Variants in FCGR2A observed in about 807,000 individuals in gnomAD.
FCGR2A encodes low affinity immunoglobulin gamma Fc region receptor II-a.
Under a neutral mutation model 29.3 loss-of-function variants are expected in FCGR2A, and 18 were observed. The observed-to-expected ratio is 0.62, with a 90% CI of 0.43 to 0.91. FCGR2A has a LOEUF of 0.91. Ranked by LOEUF, FCGR2A falls within the 40% of genes least tolerant of loss-of-function variation. FCGR2A has a pLI of 0.00. For synonymous variants in FCGR2A, 126 were observed against 144.8 expected (o/e 0.87, Z 0.93); for missense variants, 287 against 393.0 (o/e 0.73, Z 2.28).
In FCGR2A at chr1:161,519,455, C is replaced by G. The variant is rs1053521449; in HGVS notation, c.*1307C>G. ...CTTCAGAAATGTTAAAATAGACTAACCTCTAACAACAAATTAAAAGTGATT... is the reference window on the plus strand; with the variant it reads ...CTTCAGAAATGTTAAAATAGACTAAGCTCTAACAACAAATTAAAAGTGATT... On this transcript the variant is annotated 3_prime_UTR_variant, in exon 7 of 7. Transcript: ENST00000271450. 2.0e-5 allele frequency: 3 copies of G among 152,296 alleles called. No individual in the cohort carries two copies. Among genetic ancestry groups the G allele is most frequent in the Admixed American group, 6.6e-5 (1 of 15,260 alleles). 9.4% of individuals were successfully genotyped at this position (152,296 alleles called of 1,614,324 possible).
Position 161,507,949 on chromosome 1 carries a change from G to T in FCGR2A, c.364+1358G>T, listed in dbSNP as rs184152133. On this transcript the variant is annotated intron_variant, in intron 3 of 6. Transcript: ENST00000271450. ...TAAAAATACAAAATTAGCCGGGCAT[G>T]GTGGCGCTTGCCTGTAATCCCAGCT... 2.6e-5 allele frequency among the ~76,000 whole-genome samples: 4 copies of T among 152,030 alleles called. No individual in the cohort carries two copies. The East Asian group carries it at 5.8e-4, about 22-fold the overall frequency.
At chr1:161,506,834 C>G (rs1192383143) in intron 3 of FCGR2A, 1 of 744,324 alleles carries the variant, frequency 1.3e-6, no homozygotes, top group Non-Finnish European at 2.1e-6. Flanking sequence ...CTTGATTGAG[C>G]AAGGGGGTTA....
intron 3 of FCGR2A, among the ~76,000 whole-genome samples, chr1:161,508,086 C>CAAAAA (rs61414204): frequency 2.9e-5 from 2 of 68,228 alleles, no homozygotes; most frequent in African/African-American, 1.2e-4. Context: ...AACTCTGTCT[C>CAAAAA]AAAAAAAAAA....
chr1:161,506,133 A>G, intron 2 of FCGR2A, 126 bp downstream of exon 2: 2 of 1,273,142 alleles, frequency 1.6e-6, no homozygotes, highest in East Asian at 2.3e-5. Context: ...CAGCATGGGC[A>G]GTTCCCCCAT....
At chr1:161,510,402 C>T in intron 4 of FCGR2A, 1 of 547,870 alleles carries the variant, frequency 1.8e-6, no homozygotes, top group African/African-American at 1.9e-5. Context: ...TGAGGTTTGC[C>T]TCGTTTCTTC....
In FCGR2A at chr1:161,506,564, G is replaced by C. The variant is rs1239990850; in HGVS notation, c.337G>C (p.Asp113His). The C allele has an allele frequency of 1.9e-6, 3 of 1,614,040 alleles. No homozygotes were observed. Among genetic ancestry groups the C allele is most frequent in the Non-Finnish European group, 2.5e-6 (3 of 1,180,008 alleles). Residue 113 changes from aspartate (D) to histidine (H), a missense_variant, in exon 3 of 7, where the codon GAC becomes CAC. This residue lies in a region of FCGR2A where 181 missense variants were observed against 250.9 expected (regional missense o/e 0.72). Transcript: ENST00000271450. ...CCAGACTGGCCAGACCAGCCTCAGCGACCCTGTGCATCTGACTGTGCTTTC... is the reference window on the plus strand; with the variant it reads ...CCAGACTGGCCAGACCAGCCTCAGCCACCCTGTGCATCTGACTGTGCTTTC... ...TCQTGQTSLS[D>H]PVHLTVLSEW...
rs1675369333 is a variant in FCGR2A, at chr1:161,506,071, T to C, written c.106+64T>C. The C allele has an allele frequency of 7.1e-6, 11 of 1,544,098 alleles. No homozygotes were observed. The South Asian group carries it at 1.1e-4, about 16-fold the overall frequency. The stretch of plus-strand genomic sequence containing the variant: ...TATCCTCATAATATGATGCTGTGTT[T>C]GCTGGGGCGGCGGGGGGGTATGTCT... On this transcript the variant is annotated intron_variant, in intron 2 of 6. Coordinates refer to ENST00000271450, the MANE Select transcript of FCGR2A (RefSeq NM_001136219.3).
At chr1:161,523,853 G>T (rs913385903), downstream of FCGR2A, 1 of 151,864 alleles carries the variant, frequency 6.6e-6, no homozygotes, top group Non-Finnish European at 1.5e-5. Context: ...AAAGTGCATT[G>T]GCCGGGAATC....
intron 5 of FCGR2A, among the ~76,000 whole-genome samples, chr1:161,512,704 G>T (rs951097095): frequency 6.6e-6 from 1 of 152,100 alleles, no homozygotes; most frequent in Non-Finnish European, 1.5e-5. Context: ...GTCAAAGACC[G>T]CACCTCAGAT....
downstream of FCGR2A, chr1:161,523,807 A>T (rs887601251): frequency 1.3e-5 from 2 of 151,940 alleles, no homozygotes; most frequent in African/African-American, 4.8e-5. Flanking sequence ...TTAATCCTAG[A>T]TGAGAAAAAG....
chr1:161,518,468 T>C lies in FCGR2A; in HGVS notation c.*320T>C, dbSNP rs923413727. 14 of 371,156 alleles carry C rather than the reference T, an allele frequency of 3.8e-5. No homozygotes were observed. Among genetic ancestry groups the C allele is most frequent in the African/African-American group, 3.0e-4 (14 of 47,222 alleles). 23.0% of individuals were successfully genotyped at this position (371,156 alleles called of 1,614,324 possible). On this transcript the variant is annotated 3_prime_UTR_variant, in exon 7 of 7. Transcript: ENST00000271450. ...GGTGACTAGGGACTTTCTAAGAAGA[T>C]ACCTACCCCCAAAAAACAATTATGT... is the stretch of plus-strand genomic sequence containing the variant.
In FCGR2A at chr1:161,506,498, A is replaced by G. The variant is rs2102457222; in HGVS notation, c.271A>G (p.Arg91Gly). The change falls in exon 3 of 7, where the codon AGG becomes GGG. Residue 91 changes from arginine (R) to glycine (G), a missense_variant. Arg to Gly is a moderately radical substitution (Grantham distance 125, BLOSUM62 -2). Transcript: ENST00000271450. ...LIPTHTQPSYRFKANNNDSGE... is the reference protein window; with the variant it reads ...LIPTHTQPSYGFKANNNDSGE... ...TCCCACCCACACGCAGCCCAGCTAC[A>G]GGTTCAAGGCCAACAACAATGACAG... is the stretch of plus-strand genomic sequence containing the variant. 1 of 1,614,208 alleles carries G rather than the reference A, an allele frequency of 6.2e-7. No homozygotes were observed. Among genetic ancestry groups the G allele is most frequent in the Non-Finnish European group, 8.5e-7 (1 of 1,180,026 alleles).
intron 4 of FCGR2A, 181 bp downstream of exon 4, chr1:161,510,255 A>G: frequency 1.8e-6 from 2 of 1,095,764 alleles, no homozygotes; most frequent in South Asian, 1.6e-5. Flanking sequence ...CAGAGCTTGG[A>G]GCCCTCACGT....
chr1:161,512,759 G>GAA (rs1309131095), intron 5 of FCGR2A, among the ~76,000 whole-genome samples: 21 of 152,330 alleles, frequency 1.4e-4, no homozygotes, highest in African/African-American at 4.8e-4. Flanking sequence ...TTAAGAGCTT[G>GAA]AGCAAAATAT....
At chr1:161,512,346 TG>T (rs1043817549) in intron 5 of FCGR2A, among the ~76,000 whole-genome samples, 1 of 147,264 alleles carries the variant, frequency 6.8e-6, no homozygotes. Flanking sequence ...GAGAAAATTC[TG>T]GGGGGCTAGG....
intron 4 of FCGR2A, chr1:161,510,342 C>A: frequency 1.5e-6 from 1 of 681,802 alleles, no homozygotes; most frequent in Non-Finnish European, 2.6e-6. Context: ...TGAAGCAGAG[C>A]TCCCTCATTG....
In FCGR2A at chr1:161,507,203, G is replaced by C. The variant is rs1218877169; in HGVS notation, c.364+612G>C. Among the ~76,000 whole-genome samples the C allele has an allele frequency of 5.9e-5, 9 of 152,136 alleles. 1 individual carries two copies. Among genetic ancestry groups the C allele is most frequent in the Admixed American group, 5.9e-4 (9 of 15,278 alleles). ...AGTGTTCAGTTTAATAGAGTCTGTAGAGAAAATGCTTCTAGATAGTATTTC... is the reference window on the plus strand; with the variant it reads ...AGTGTTCAGTTTAATAGAGTCTGTACAGAAAATGCTTCTAGATAGTATTTC... On this transcript the variant is annotated intron_variant, in intron 3 of 6. Coordinates refer to ENST00000271450, the MANE Select transcript of FCGR2A (RefSeq NM_001136219.3).
intron 3 of FCGR2A, among the ~76,000 whole-genome samples, chr1:161,509,419 C>G (rs1183968657): frequency 6.6e-6 from 1 of 151,476 alleles, no homozygotes; most frequent in Non-Finnish European, 1.5e-5. Context: ...TAATACAGTT[C>G]AAGGCTGCCC....
chr1:161,508,381 G>C (rs1222564514), intron 3 of FCGR2A, among the ~76,000 whole-genome samples: 1 of 151,544 alleles, frequency 6.6e-6, no homozygotes, highest in Non-Finnish European at 1.5e-5. Context: ...TTGAGGTCGG[G>C]AGTTCGAGAC....
Sources: gnomAD v4.1 joint callset for allele counts (sites outside exome capture counted in the v4.1 genomes callset) on GRCh38, gnomAD v4.1.1 for gene constraint, gnomAD v4.1.1 regional missense constraint, MANE v1.5 for transcripts, NCBI Gene and HGNC (gene_info 2026-07-23, HGNC 2026-07-21) for gene names.